Variants in PNPLA6 observed in about 807,000 individuals in gnomAD.
PNPLA6 encodes patatin-like phospholipase domain-containing protein 6.
In PNPLA6, 105 loss-of-function variants were observed where a neutral mutation model predicts 153.7. The observed-to-expected ratio is 0.68, with a 90% CI of 0.58 to 0.80. The LOEUF (loss-of-function observed/expected upper bound fraction) is 0.80, where lower values mean the gene tolerates loss of function less well. PNPLA6 is among the 30% of genes least tolerant of loss of function. The pLI is 0.00. For missense variants in PNPLA6, 1,423 were observed against 1,919.3 expected (o/e 0.74, Z 4.83); for synonymous variants, 825 against 822.2 (o/e 1.00, Z -0.06).
intron 29 of PNPLA6, 29 bp from the exon 30 acceptor site, chr19:7,560,985 C>CA (rs397694873): frequency 1.3e-6 from 2 of 1,518,540 alleles, no homozygotes; most frequent in East Asian, 4.6e-5. Context: ...TGGGCCCCCC[C>CA]TAAGAGCCTC....
chr19:7,546,706 G>T (rs1248156609), intron 13 of PNPLA6, among the ~76,000 whole-genome samples: 1 of 152,114 alleles, frequency 6.6e-6, no homozygotes, highest in Non-Finnish European at 1.5e-5. Flanking sequence ...ACTGCACCCG[G>T]CCTTATGTAA....
chr19:7,535,760 G>C lies in PNPLA6; in HGVS notation c.-29G>C. The C allele has an allele frequency of 6.6e-7, 1 of 1,521,372 alleles. No homozygotes were observed. The highest frequency in any genetic ancestry group is 8.8e-7 in the Non-Finnish European group (1 of 1,134,944). The allele number at this position is 1,521,372 out of a possible 1,614,324, so 94.2% of individuals were successfully genotyped here. On this transcript the variant is annotated 5_prime_UTR_variant, in exon 1 of 32. Coordinates refer to ENST00000600737, the MANE Select transcript of PNPLA6 (RefSeq NM_001166114.2). This position sits in a 1 kb window ranked among gnomAD's most constrained non-coding sequence, Gnocchi z 5.0. ...CCTCAGGGAAGAGTCGCGCCCCCGG[G>C]GAGGGAGCAGCACTGGCCCATTCTG... is the stretch of plus-strand genomic sequence containing the variant.
In PNPLA6 at chr19:7,537,926, G is replaced by T. The variant is rs527264161; in HGVS notation, c.413+1380G>T. Among the ~76,000 whole-genome samples, 23 of 151,754 alleles carry T rather than the reference G, an allele frequency of 1.5e-4. No homozygotes were observed. The South Asian group carries it at 4.6e-3, about 30-fold the overall frequency. On this transcript the variant is annotated intron_variant, in intron 3 of 31. Coordinates refer to ENST00000600737, the MANE Select transcript of PNPLA6 (RefSeq NM_001166114.2). ...AAGTGCTGGGATTACAGGCATGAGC[G>T]ACTGAGCCCGGCCAATGGCAGGGCT...
rs1482510738 is a variant in PNPLA6, at chr19:7,561,736, C to T, written c.*174C>T. 43 of 702,390 alleles carry T rather than the reference C, an allele frequency of 6.1e-5. No individual in the cohort carries two copies. In the East Asian group the frequency reaches 1.0e-3, roughly 17 times the overall value. The allele number at this position is 702,390 out of a possible 1,614,324, so 43.5% of individuals were successfully genotyped here. On this transcript the variant is annotated 3_prime_UTR_variant, in exon 32 of 32. Transcript: ENST00000600737. ...TGTTGCACTGATGACTTGACCAGCC[C>T]CTCCCCCAATAAACTCGCCTCTTGG...
intron 13 of PNPLA6, among the ~76,000 whole-genome samples, chr19:7,545,067 C>T (rs2023328196): frequency 6.6e-6 from 1 of 151,948 alleles, no homozygotes; most frequent in Non-Finnish European, 1.5e-5. Context: ...TGCTCTGTCG[C>T]CCAGGCTGGA....
intron 13 of PNPLA6, among the ~76,000 whole-genome samples, chr19:7,545,900 A>AC (rs2023366711): frequency 9.5e-6 from 1 of 105,130 alleles, no homozygotes; most frequent in African/African-American, 3.6e-5. Context: ...ACAGAGTGAG[A>AC]CCCTGTCTCA....
Position 7,554,652 on chromosome 19 carries a change from G to A in PNPLA6, c.2563G>A (p.Val855Met), listed in dbSNP as rs144375033. 2 of 1,613,876 alleles carry A rather than the reference G, an allele frequency of 1.2e-6. No homozygotes were observed. The highest frequency in any genetic ancestry group is 1.3e-5 in the African/African-American group (1 of 74,920). Residue 855 changes from valine to methionine, a missense_variant, in exon 21 of 32, where the codon GTG (valine) becomes ATG (methionine). Physicochemically the swap from Val to Met is conservative, Grantham distance 21. Around this residue, in one of 10 missense-constraint regions of PNPLA6, gnomAD observed 643 missense variants for 835.2 expected, o/e 0.77. Transcript: ENST00000600737. Reference sequence around the variant, plus strand: ...GGACGCCTCGCTGACGCCCTGGACCGTGCGCTGCCTGCGACAGGCCGACTG... The same window carrying A: ...GGACGCCTCGCTGACGCCCTGGACCATGCGCTGCCTGCGACAGGCCGACTG... ...QTDASLTPWTVRCLRQADCIL... is the reference protein window; with the variant it reads ...QTDASLTPWTMRCLRQADCIL...
chr19:7,553,259 A>G (rs116999754), intron 18 of PNPLA6, among the ~76,000 whole-genome samples: 5 of 151,876 alleles, frequency 3.3e-5, no homozygotes, highest in Non-Finnish European at 7.4e-5. Context: ...CTTTTCTTTT[A>G]TTTTCTTTTT....
chr19:7,539,495 A>G (rs2023022792), intron 3 of PNPLA6, among the ~76,000 whole-genome samples: 1 of 148,958 alleles, frequency 6.7e-6, no homozygotes, highest in South Asian at 2.1e-4. Context: ...ACAGTGGCTC[A>G]CACCTTTAAT....
chr19:7,541,599 G>A lies in PNPLA6; in HGVS notation c.1083G>A (p.Met361Ile). 1 of 1,595,626 alleles carries A rather than the reference G, an allele frequency of 6.3e-7. No homozygotes were observed. The highest frequency in any genetic ancestry group is 8.5e-7 in the Non-Finnish European group (1 of 1,171,424). ...RTSPVRGSKR[M>I]VSTSATDEPR... ...GCCCTGTGCGGGGCTCCAAGAGAAT[G>A]GTCAGCACCTCAGCTACAGACGAGC... is the stretch of plus-strand genomic sequence containing the variant. Residue 361 changes from methionine to isoleucine, a missense_variant, in exon 9 of 32, where the codon ATG becomes ATA. By Grantham distance (10) the Met-to-Ile change is conservative. Around this residue, in one of 10 missense-constraint regions of PNPLA6, gnomAD observed 267 missense variants for 255.1 expected, o/e 1.05. Coordinates refer to ENST00000600737, the MANE Select transcript of PNPLA6 (RefSeq NM_001166114.2). This position sits in a 1 kb window ranked among gnomAD's most constrained non-coding sequence, Gnocchi z 5.2.
At position 7,550,991 on chromosome 19, in the gene PNPLA6, C is replaced by T. The variant is rs1473525850; in HGVS notation, c.2071-3C>T. Reference sequence around the variant, plus strand: ...AGCCCCAATCATGCACGCGGCCCCCCAGGTGGAGGCACTGACCCGGCAGCC... The same window carrying T: ...AGCCCCAATCATGCACGCGGCCCCCTAGGTGGAGGCACTGACCCGGCAGCC... On this transcript the variant is annotated splice_region_variant and splice_polypyrimidine_tract_variant and intron_variant, in intron 16 of 31. Transcript: ENST00000600737. 7.2e-6 allele frequency: 11 copies of T among 1,534,790 alleles called. No individual in the cohort carries two copies. Among genetic ancestry groups the T allele is most frequent in the Non-Finnish European group, 9.7e-6 (11 of 1,137,726 alleles).
rs1392152318 is a variant in PNPLA6, at chr19:7,555,703, G to A, written c.3033G>A (p.Ala1011=). 1.2e-6 allele frequency: 2 copies of A among 1,613,854 alleles called. No homozygotes were observed. The highest frequency in any genetic ancestry group is 1.7e-6 in the Non-Finnish European group (2 of 1,179,892). The change falls in exon 24 of 32, where the codon GCG becomes GCA. Residue 1011 remains alanine, a synonymous_variant. Transcript: ENST00000600737. The surrounding 1 kb of genome is among the most constrained non-coding windows in gnomAD (Gnocchi z 6.3). ...CGTCCATTGGCTCTTTCATCGGAGC[G>A]TTGTACGCGGAGGAGCGCAGCGCCA... is the stretch of plus-strand genomic sequence containing the variant. ...GGTSIGSFIG[A]LYAEERSASR...
chr19:7,561,189 C>T lies in PNPLA6; in HGVS notation c.3914-19C>T. 1 of 1,594,874 alleles carries T rather than the reference C, an allele frequency of 6.3e-7. No individual in the cohort carries two copies. Among genetic ancestry groups the T allele is most frequent in the Non-Finnish European group, 8.6e-7 (1 of 1,167,912 alleles). ...GCCAGCCCCAATCCCCTCACCTGTG[C>T]CCTGCTCCCCGATTCCAGGAGAGGA... On this transcript the variant is annotated intron_variant, in intron 30 of 31. Transcript: ENST00000600737.
intron 3 of PNPLA6, among the ~76,000 whole-genome samples, chr19:7,537,301 G>T (rs1252997115): frequency 2.0e-5 from 3 of 152,130 alleles, no homozygotes; most frequent in Admixed American, 2.0e-4. Flanking sequence ...TTCTCCGGGG[G>T]TTATCTCAGG....
rs2023203179 is a variant in PNPLA6, at chr19:7,542,604, G to A, written c.1296G>A (p.Glu432=). ...GCTCCGACTTCGACATGGCCTATGA[G>A]CGTGGCCGGATCTCCGTGTCCCTGC... The part of the protein sequence containing the change: ...GPRSDFDMAY[E]RGRISVSLQE... The change falls in exon 11 of 32, where the codon GAG becomes GAA. Residue 432 remains glutamate, a synonymous_variant. Coordinates refer to ENST00000600737, the MANE Select transcript of PNPLA6 (RefSeq NM_001166114.2). 8 of 1,613,708 alleles carry A rather than the reference G, an allele frequency of 5.0e-6. No homozygotes were observed. The highest frequency in any genetic ancestry group is 6.8e-6 in the Non-Finnish European group (8 of 1,180,012).
At chr19:7,536,777 AT>A (rs1343727213) in intron 3 of PNPLA6, among the ~76,000 whole-genome samples, 1 of 152,116 alleles carries the variant, frequency 6.6e-6, no homozygotes, top group African/African-American at 2.4e-5. Flanking sequence ...AAATACAAAA[AT>A]TAGCTGGGCG....
At chr19:7,556,836 A>G in intron 26 of PNPLA6, 112 bp downstream of exon 26, 1 of 835,346 alleles carries the variant, frequency 1.2e-6, no homozygotes, top group Non-Finnish European at 2.1e-6. Context: ...GTGACCGTCC[A>G]CCCTGGCCCG....
At position 7,540,523 on chromosome 19, in the gene PNPLA6, C is replaced by G. The variant is rs1256675204; in HGVS notation, c.715-107C>G. On this transcript the variant is annotated intron_variant, in intron 5 of 31. Transcript: ENST00000600737. The surrounding 1 kb of genome is among the most constrained non-coding windows in gnomAD (Gnocchi z 6.8). The stretch of plus-strand genomic sequence containing the variant: ...GCTCGTTGGAAGGGTTGGTGGGTTC[C>G]CCTGAGAAGGGATGAGAAGTGTCAG... 19 of 1,090,666 alleles carry G rather than the reference C, an allele frequency of 1.7e-5. No homozygotes were observed. Among genetic ancestry groups the G allele is most frequent in the Non-Finnish European group, 2.5e-5 (18 of 708,728 alleles). 67.6% of individuals were successfully genotyped at this position (1,090,666 alleles called of 1,614,324 possible).
At chr19:7,544,223 T>C (rs906375235) in intron 13 of PNPLA6, among the ~76,000 whole-genome samples, 6 of 152,032 alleles carry the variant, frequency 3.9e-5, no homozygotes, top group Non-Finnish European at 5.9e-5. Flanking sequence ...GCAATTCTCC[T>C]GCCTCAGCCT....
Sources: gnomAD v4.1 joint callset for allele counts (sites outside exome capture counted in the v4.1 genomes callset) on GRCh38, gnomAD v4.1.1 for gene constraint, gnomAD v4.1.1 regional missense constraint, Gnocchi (gnomAD v3.1) non-coding constraint, MANE v1.5 for transcripts, NCBI Gene and HGNC (gene_info 2026-07-23, HGNC 2026-07-21) for gene names.